STXBP5: variants seen among roughly 807,000 people sequenced by gnomAD.
The protein encoded by STXBP5 is syntaxin binding protein 5, also known as syntaxin-binding protein 5.
STXBP5 carries 50 observed loss-of-function variants against 152.4 expected under a neutral mutation model. The observed-to-expected ratio is 0.33, with a 90% CI of 0.26 to 0.42. The LOEUF (loss-of-function observed/expected upper bound fraction) is 0.42, where lower values mean the gene tolerates loss of function less well. Among genes scored for constraint, STXBP5 ranks in the 10% least tolerant of loss-of-function variants. The pLI is 1.00. For synonymous variants in STXBP5, 492 were observed against 494.7 expected (o/e 0.99, Z 0.07); for missense variants, 1,167 against 1,388.6 (o/e 0.84, Z 2.54).
Position 147,373,740 on chromosome 6 carries a change from G to T in STXBP5, c.3091G>T (p.Gly1031Cys), listed in dbSNP as rs757798078. 6.2e-7 allele frequency: 1 copy of T among 1,611,640 alleles called. No individual in the cohort carries two copies. The highest frequency in any genetic ancestry group is 8.5e-7 in the Non-Finnish European group (1 of 1,178,788). Residue 1031 changes from glycine (G) to cysteine (C), a missense_variant, in exon 26 of 28, where the codon GGT (glycine) becomes TGT (cysteine). Around this residue, in one of 3 missense-constraint regions of STXBP5, gnomAD observed 833 missense variants for 986.3 expected, o/e 0.84. Coordinates refer to ENST00000321680, the MANE Select transcript of STXBP5 (RefSeq NM_001127715.4). ...TGTTTTGATTTTAAAGGAAATGTTGGGTGAACTCTTCACTCCTGTAGAAAC... is the reference window on the plus strand; with the variant it reads ...TGTTTTGATTTTAAAGGAAATGTTGTGTGAACTCTTCACTCCTGTAGAAAC... ...ETCENLQEML[G>C]ELFTPVETPE...
At chr6:147,219,000 T>A (rs901639544) in intron 2 of STXBP5, among the ~76,000 whole-genome samples, 1 of 152,230 alleles carries the variant, frequency 6.6e-6, no homozygotes, top group Non-Finnish European at 1.5e-5. Context: ...AAAGGCGTGA[T>A]AAGAGGGATA....
intron 6 of STXBP5, among the ~76,000 whole-genome samples, chr6:147,263,565 A>G (rs1779748050): frequency 6.6e-6 from 1 of 151,760 alleles, no homozygotes; most frequent in Non-Finnish European, 1.5e-5. Flanking sequence ...AACAAATAAA[A>G]TCAGTTTTTC....
At chr6:147,287,977 T>C (rs1781073870) in intron 8 of STXBP5, among the ~76,000 whole-genome samples, 1 of 152,030 alleles carries the variant, frequency 6.6e-6, no homozygotes, top group Admixed American at 6.5e-5. Context: ...TCCTGTTTGC[T>C]CAGGATCTCA....
intron 21 of STXBP5, among the ~76,000 whole-genome samples, chr6:147,348,469 A>T (rs998385961): frequency 1.3e-5 from 2 of 152,074 alleles, no homozygotes; most frequent in Admixed American, 6.6e-5. Flanking sequence ...TCTCAGCTGC[A>T]CTCAATACAG....
intron 25 of STXBP5, 80 bp from the exon 26 acceptor site, chr6:147,373,648 AAGG>A (rs1785670374): frequency 7.6e-6 from 7 of 918,730 alleles, no homozygotes; most frequent in Non-Finnish European, 1.2e-5. Flanking sequence ...AGCTTAAGTT[AAGG>A]AGTTTACAGT....
At chr6:147,325,291 G>A (rs1783190641) in intron 17 of STXBP5, among the ~76,000 whole-genome samples, 3 of 152,110 alleles carry the variant, frequency 2.0e-5, no homozygotes, top group South Asian at 2.1e-4. Context: ...ATTTCCTGAT[G>A]TAAAGTTAAA....
chr6:147,378,707 A>T (rs146200438), intron 26 of STXBP5, among the ~76,000 whole-genome samples: 137 of 152,240 alleles, frequency 9.0e-4, no homozygotes, highest in African/African-American at 3.2e-3. Context: ...ATCTATAGCT[A>T]AATTGTTAGA....
intron 2 of STXBP5, among the ~76,000 whole-genome samples, chr6:147,209,345 C>G (rs1776733810): frequency 6.6e-6 from 1 of 152,076 alleles, no homozygotes; most frequent in Non-Finnish European, 1.5e-5. Context: ...TCTTTTAATG[C>G]AGAGTAATGT....
At chr6:147,211,786 G>T (rs1402774878) in intron 2 of STXBP5, among the ~76,000 whole-genome samples, 1 of 152,080 alleles carries the variant, frequency 6.6e-6, no homozygotes, top group Non-Finnish European at 1.5e-5. Flanking sequence ...TCACCATATT[G>T]TCCAGGCTGG....
At chr6:147,377,569 G>C (rs1400071421) in intron 26 of STXBP5, among the ~76,000 whole-genome samples, 1 of 152,164 alleles carries the variant, frequency 6.6e-6, no homozygotes. Context: ...TGAGATCAAG[G>C]TGCCAGCAGG....
rs1411610327 is a variant in STXBP5 at position 147,359,465 on chromosome 6, T to C, written c.2545+142T>C. The C allele has an allele frequency of 1.4e-5, 15 of 1,039,794 alleles. No homozygotes were observed. The Admixed American group carries it at 5.3e-4, about 37-fold the overall frequency. 64.4% of individuals were successfully genotyped at this position (1,039,794 alleles called of 1,614,324 possible). ...CAGTGATGGCCTTATTTATTTATTT[T>C]TTTAATTATTATACTTTAAGTTTTA... On this transcript the variant is annotated intron_variant, in intron 23 of 27. Coordinates refer to ENST00000321680, the MANE Select transcript of STXBP5 (RefSeq NM_001127715.4).
intron 4 of STXBP5, among the ~76,000 whole-genome samples, chr6:147,251,358 GC>G (rs1170159047): frequency 6.6e-6 from 1 of 152,168 alleles, no homozygotes; most frequent in Non-Finnish European, 1.5e-5. Context: ...CACAAAACTG[GC>G]CGGCCGTTTG....
At chr6:147,310,289 A>G in intron 10 of STXBP5, 51 bp downstream of exon 10, 2 of 1,318,298 alleles carry the variant, frequency 1.5e-6, no homozygotes, top group South Asian at 2.5e-5. Flanking sequence ...TGATATTAAA[A>G]AAAAAAAAAA....
intron 2 of STXBP5, among the ~76,000 whole-genome samples, chr6:147,217,556 A>G (rs116898161): frequency 0.031 from 4,665 of 152,340 alleles, 115 homozygotes; most frequent in Non-Finnish European, 0.051. Context: ...TGCCTCTTCA[A>G]AAACAGTCCT....
At chr6:147,287,342 A>G (rs1363274253) in intron 8 of STXBP5, among the ~76,000 whole-genome samples, 1 of 149,470 alleles carries the variant, frequency 6.7e-6, no homozygotes, top group Non-Finnish European at 1.5e-5. Flanking sequence ...AGCTGGGACT[A>G]CAGGCGCCCG....
intron 23 of STXBP5, among the ~76,000 whole-genome samples, chr6:147,360,125 G>A (rs371575411): frequency 0.017 from 2,531 of 152,172 alleles, 78 homozygotes; most frequent in African/African-American, 0.058. Flanking sequence ...TAGAATGGCA[G>A]TCATTAAAAA....
At chr6:147,268,267 G>T (rs186081669) in intron 7 of STXBP5, among the ~76,000 whole-genome samples, 2 of 152,090 alleles carry the variant, frequency 1.3e-5, no homozygotes, top group Non-Finnish European at 2.9e-5. Flanking sequence ...ATTTTTCTAT[G>T]GAACTATGAC....
chr6:147,269,740 A>G (rs1464544057), intron 7 of STXBP5, among the ~76,000 whole-genome samples: 3 of 152,160 alleles, frequency 2.0e-5, no homozygotes, highest in Non-Finnish European at 4.4e-5. Context: ...CAGTACTGCC[A>G]AAGGATTAAT....
intron 2 of STXBP5, among the ~76,000 whole-genome samples, chr6:147,218,484 T>G (rs142352824): frequency 0.021 from 3,153 of 151,158 alleles, 111 homozygotes; most frequent in African/African-American, 0.073. Context: ...TGTTTTTTGG[T>G]TTTTTTTTCT....
Sources: allele counts gnomAD v4.1 joint callset (sites outside exome capture counted in the v4.1 genomes callset), GRCh38; gene constraint gnomAD v4.1.1; regional missense constraint gnomAD v4.1.1; transcripts MANE v1.5; gene names NCBI Gene and HGNC (gene_info 2026-07-23, HGNC 2026-07-21).